Variants in TYK2 observed in about 807,000 individuals in gnomAD.
TYK2 encodes the protein non-receptor tyrosine-protein kinase TYK2.
A neutral mutation model predicts 130.9 loss-of-function variants in TYK2; 65 were observed. The ratio of observed to expected loss-of-function variants is 0.50; its 90% CI spans 0.41 to 0.61. The LOEUF (loss-of-function observed/expected upper bound fraction) is 0.61, where lower values mean the gene tolerates loss of function less well. TYK2 is among the 20% of genes least tolerant of loss of function. The probability of loss-of-function intolerance (pLI) is 0.00; values close to 1 mark genes in which losing one functional copy is unlikely to be tolerated. For missense variants in TYK2, 1,378 were observed against 1,610.7 expected, an observed-to-expected ratio of 0.86 and a Z score of 2.47; for synonymous variants, 647 against 658.9, an observed-to-expected ratio of 0.98 and a Z score of 0.28.
rs1357157419 is a variant in TYK2, at chr19:10,357,891, G to A, written c.2339C>T (p.Ala780Val). ...EERVERIPWL[A>V]PECLPGGANS... is the part of the protein sequence containing the mutation. ...GGCCCCACCTGGTAGGCATTCGGGGGCCAGCCAGGGGATCCTCTCCACCCG... is the reference window on the plus strand; with the variant it reads ...GGCCCCACCTGGTAGGCATTCGGGGACCAGCCAGGGGATCCTCTCCACCCG... The change falls in exon 17 of 25, where the codon GCC (alanine) becomes GTC (valine). Residue 780 changes from alanine (A) to valine (V), a missense_variant. Physicochemically the swap from Ala to Val is moderately conservative, Grantham distance 64 (BLOSUM62 0). Transcript: ENST00000525621. 1 of 1,613,486 alleles carries A rather than the reference G, an allele frequency of 6.2e-7. No individual in the cohort carries two copies. The highest frequency in any genetic ancestry group is 1.1e-5 in the South Asian group (1 of 91,090).
intron 3 of TYK2, among the ~76,000 whole-genome samples, chr19:10,376,010 T>C (rs1472583596): frequency 6.7e-6 from 1 of 149,124 alleles, no homozygotes; most frequent in African/African-American, 2.5e-5. Flanking sequence ...TTTCTTTCTT[T>C]TTTTTTTTTT....
chr19:10,359,788 G>T (rs898739482), intron 14 of TYK2, among the ~76,000 whole-genome samples: 6 of 151,982 alleles, frequency 3.9e-5, no homozygotes, highest in Non-Finnish European at 8.8e-5. Flanking sequence ...GACCAGCCTG[G>T]TCAATATGGT....
In TYK2 at chr19:10,353,000, A is replaced by G. The variant is rs1176932226; in HGVS notation, c.3126T>C (p.Phe1042=). 9 of 1,605,012 alleles carry G rather than the reference A, an allele frequency of 5.6e-6. No homozygotes were observed. The highest frequency in any genetic ancestry group is 7.7e-6 in the Non-Finnish European group (9 of 1,175,354). The part of the protein sequence containing the change: ...DNDRLVKIGD[F]GLAKAVPEGH... ...CTTCGGGCACGGCCTTGGCTAGGCCAAAGTCCCCGATCTTGACCAGCCTGT... is the reference window on the plus strand; with the variant it reads ...CTTCGGGCACGGCCTTGGCTAGGCCGAAGTCCCCGATCTTGACCAGCCTGT... The change falls in exon 22 of 25, where the codon TTT becomes TTC. Residue 1042 remains phenylalanine, a synonymous_variant. Transcript: ENST00000525621.
At chr19:10,369,206 ATTGTCTGG>A (rs2041809165) in intron 3 of TYK2, among the ~76,000 whole-genome samples, 1 of 152,066 alleles carries the variant, frequency 6.6e-6, no homozygotes, top group Non-Finnish European at 1.5e-5. Flanking sequence ...AACTGCTGCA[ATTGTCTGG>A]CGTCTCCCTG....
chr19:10,379,517 A>C (rs1425523256), intron 2 of TYK2, 98 bp downstream of exon 2: 13 of 150,034 alleles, frequency 8.7e-5, no homozygotes, highest in African/African-American at 2.9e-4. Flanking sequence ...ATAAATAAAT[A>C]AATAAATAAA....
Position 10,361,259 on chromosome 19 carries a change from A to G in TYK2, c.2047+252T>C, listed in dbSNP as rs1180585111. The G allele has an allele frequency of 6.6e-6, 4 of 605,386 alleles. No homozygotes were observed. The allele number at this position is 605,386 out of a possible 1,614,324, so 37.5% of individuals were successfully genotyped here. On this transcript the variant is annotated intron_variant, in intron 14 of 24. Transcript: ENST00000525621. This position sits in a 1 kb window ranked among gnomAD's most constrained non-coding sequence, Gnocchi z 4.0. ...TGATGGAAGTGGGGATGTAGTTGGGAATCAGGGTGGGGGTTGAGACTGAGG... is the reference window on the plus strand; with the variant it reads ...TGATGGAAGTGGGGATGTAGTTGGGGATCAGGGTGGGGGTTGAGACTGAGG...
At chr19:10,367,198 C>T (rs1347945562) in intron 5 of TYK2, among the ~76,000 whole-genome samples, 4 of 152,160 alleles carry the variant, frequency 2.6e-5, no homozygotes, top group Admixed American at 6.6e-5. Context: ...TAATTTCCTG[C>T]GTCTTACCAC....
In TYK2 at chr19:10,351,024, G is replaced by A. The variant is rs373185127; in HGVS notation, c.3429+28C>T. ...TGCCCTCTCCACAGCAGGATAGTGGGGTCAGGGAAAGACAAAGGAAGTCTC... is the reference window on the plus strand; with the variant it reads ...TGCCCTCTCCACAGCAGGATAGTGGAGTCAGGGAAAGACAAAGGAAGTCTC... On this transcript the variant is annotated intron_variant, in intron 24 of 24. Transcript: ENST00000525621. The A allele has an allele frequency of 1.5e-5, 25 of 1,614,014 alleles. No individual in the cohort carries two copies. In the African/African-American group the frequency reaches 2.5e-4, roughly 16 times the overall value.
In TYK2 at chr19:10,353,140, T is replaced by A. The variant is rs779482062; in HGVS notation, c.3028-42A>T. On this transcript the variant is annotated intron_variant, in intron 21 of 24. Coordinates refer to ENST00000525621, the MANE Select transcript of TYK2 (RefSeq NM_003331.5). The surrounding 1 kb of genome is among the most constrained non-coding windows in gnomAD (Gnocchi z 6.9). ...GCTCGTGAGTTTCAGTGGGGCGGGG[T>A]TCGGCCGGGGGCGGCGGCAGGACCT... The A allele has an allele frequency of 4.8e-6, 7 of 1,444,616 alleles. No homozygotes were observed. Among genetic ancestry groups the A allele is most frequent in the Non-Finnish European group, 6.4e-6 (7 of 1,093,620 alleles). The allele number at this position is 1,444,616 out of a possible 1,614,324, so 89.5% of individuals were successfully genotyped here.
At position 10,365,751 on chromosome 19, in the gene TYK2, G is replaced by A. The variant is rs188701932; in HGVS notation, c.777C>T (p.Tyr259=). The change falls in exon 7 of 25, where the codon TAC becomes TAT. Residue 259 remains tyrosine (Y), a synonymous_variant. Coordinates refer to ENST00000525621, the MANE Select transcript of TYK2 (RefSeq NM_003331.5). The stretch of plus-strand genomic sequence containing the variant: ...GTGCCAGCCGCTCGAGTGTGGCTAG[G>A]TATTTGACCATGACCATCTGCTGGG... ...RLSQQMVMVK[Y]LATLERLAPR... The A allele has an allele frequency of 1.1e-4, 176 of 1,612,978 alleles. No individual in the cohort carries two copies. Among genetic ancestry groups the A allele is most frequent in the Non-Finnish European group, 1.4e-4 (165 of 1,179,886 alleles).
In TYK2 at chr19:10,368,094, T is replaced by C. The variant is rs2041749307; in HGVS notation, c.426A>G (p.Gln142=). 1 of 1,613,670 alleles carries C rather than the reference T, an allele frequency of 6.2e-7. No individual in the cohort carries two copies. The highest frequency in any genetic ancestry group is 1.1e-5 in the South Asian group (1 of 91,072). ...ACTCAAATGAGGCTGGGTCCAGGAG[T>C]TGCATCCCCTGTGCTGTCTGATCTG... ...ASSDQTAQGM[Q]LLDPASFEYL... Residue 142 remains glutamine (Q), a synonymous_variant, in exon 5 of 25, where the codon CAA becomes CAG. Transcript: ENST00000525621.
intron 14 of TYK2, among the ~76,000 whole-genome samples, chr19:10,359,683 T>TA (rs956027082): frequency 3.9e-4 from 53 of 135,872 alleles, no homozygotes; most frequent in Non-Finnish European, 5.5e-4. Context: ...CCATCACTAC[T>TA]AAAAAAAAAA....
In TYK2 at chr19:10,350,621, C is replaced by T; in HGVS notation, c.*213G>A. The T allele has an allele frequency of 1.7e-6, 1 of 588,884 alleles. No homozygotes were observed. Among genetic ancestry groups the T allele is most frequent in the East Asian group, 2.9e-5 (1 of 34,894 alleles). 36.5% of individuals were successfully genotyped at this position (588,884 alleles called of 1,614,324 possible). A position where few individuals can be genotyped will look rare whatever the true frequency, so the allele number is the denominator to read the frequency against. Reference sequence around the variant, plus strand: ...GGATTTAAGGGCTGGATTAGTGCCCCTACAAATGTTGGGTCCCTCAAGATC... The same window carrying T: ...GGATTTAAGGGCTGGATTAGTGCCCTTACAAATGTTGGGTCCCTCAAGATC... On this transcript the variant is annotated 3_prime_UTR_variant, in exon 25 of 25. Coordinates refer to ENST00000525621, the MANE Select transcript of TYK2 (RefSeq NM_003331.5).
intron 3 of TYK2, among the ~76,000 whole-genome samples, chr19:10,373,248 G>C (rs1599362580): frequency 6.6e-6 from 1 of 151,820 alleles, no homozygotes; most frequent in Non-Finnish European, 1.5e-5. Context: ...ATGTTGACCA[G>C]ACTGGTCTCC....
Position 10,361,492 on chromosome 19 carries a change from T to C in TYK2, c.2047+19A>G. 1 of 1,544,672 alleles carries C rather than the reference T, an allele frequency of 6.5e-7. No individual in the cohort carries two copies. The highest frequency in any genetic ancestry group is 8.7e-7 in the Non-Finnish European group (1 of 1,146,554). ...GGGTGGCCTGCCAAAGGGGGATGGGTATGGCGGGACCCACTCACTTTCAGG... is the reference window on the plus strand; with the variant it reads ...GGGTGGCCTGCCAAAGGGGGATGGGCATGGCGGGACCCACTCACTTTCAGG... On this transcript the variant is annotated intron_variant, in intron 14 of 24. Transcript: ENST00000525621. This position sits in a 1 kb window ranked among gnomAD's most constrained non-coding sequence, Gnocchi z 4.0.
chr19:10,363,580 C>T (rs2041513598), intron 9 of TYK2, among the ~76,000 whole-genome samples: 1 of 152,150 alleles, frequency 6.6e-6, no homozygotes, highest in Non-Finnish European at 1.5e-5. Flanking sequence ...ACACACCCAG[C>T]CATGACCATC....
chr19:10,377,130 A>G (rs1043094223), intron 3 of TYK2, among the ~76,000 whole-genome samples: 3 of 152,022 alleles, frequency 2.0e-5, no homozygotes, highest in Non-Finnish European at 2.9e-5. Flanking sequence ...GTCTCCAACT[A>G]CTGGCCTCAA....
chr19:10,377,594 G>A (rs1767940197), intron 3 of TYK2, among the ~76,000 whole-genome samples: 3 of 66,776 alleles, frequency 4.5e-5, no homozygotes, highest in African/African-American at 5.6e-5. Context: ...ATGGATGGAT[G>A]AATGGATGGA....
chr19:10,356,476 T>C (rs2041106912), intron 18 of TYK2, 92 bp downstream of exon 18: 1 of 1,539,376 alleles, frequency 6.5e-7, no homozygotes, highest in Non-Finnish European at 8.9e-7. Flanking sequence ...CCTGAACCAC[T>C]GTGCAGAGAC....
Sources: gnomAD v4.1 joint callset for allele counts (sites outside exome capture counted in the v4.1 genomes callset) on GRCh38, gnomAD v4.1.1 for gene constraint, Gnocchi (gnomAD v3.1) non-coding constraint, MANE v1.5 for transcripts, NCBI Gene and HGNC (gene_info 2026-07-23, HGNC 2026-07-21) for gene names.